PRAG1: variants seen among roughly 807,000 people sequenced by gnomAD.
PRAG1 encodes the protein inactive tyrosine-protein kinase PRAG1.
A neutral mutation model predicts 95.6 loss-of-function variants in PRAG1; 110 were observed. The ratio of observed to expected loss-of-function variants is 1.15; its 90% CI spans 0.99 to 1.35. PRAG1 has a LOEUF of 1.35. PRAG1 is among the 40% of genes most tolerant of loss of function. PRAG1 has a pLI of 0.00. For synonymous variants in PRAG1, 1,052 were observed against 819.4 expected (o/e 1.28, Z -4.85); for missense variants, 2,554 against 1,864.7 (o/e 1.37, Z -6.81).
rs376649715 is a variant in PRAG1, at chr8:8,378,060, G to C, written c.349C>G (p.Pro117Ala). The C allele has an allele frequency of 9.7e-5, 150 of 1,540,538 alleles. No individual in the cohort carries two copies. Among genetic ancestry groups the C allele is most frequent in the Non-Finnish European group, 1.3e-4 (146 of 1,144,914 alleles). The change falls in exon 3 of 6, where the codon CCT becomes GCT. Residue 117 changes from proline (P) to alanine (A), a missense_variant. Coordinates refer to ENST00000615670, the MANE Select transcript of PRAG1 (RefSeq NM_001080826.3). ...EVSQVIWRRA[P>A]GKLPLPKQED... ...TGCTTCGGGAGGGGGAGCTTGCCAG[G>C]GGCTCGTCTCCAGATGACCTACACA...
chr8:8,376,701 G>GTA lies in PRAG1; in HGVS notation c.1707_1708insTA (p.Leu570TyrfsTer71). The GTA allele has an allele frequency of 5.0e-6, 8 of 1,611,468 alleles. No individual in the cohort carries two copies. Among genetic ancestry groups the GTA allele is most frequent in the Non-Finnish European group, 6.8e-6 (8 of 1,179,960 alleles). On this transcript the variant is annotated frameshift_variant, in exon 3 of 6. Coordinates refer to ENST00000615670, the MANE Select transcript of PRAG1 (RefSeq NM_001080826.3). LOFTEE classifies it high-confidence loss of function. ...GAGCTCCCATCACTAAGGTCAGCCA[G>GTA]CGGTGACACTGGGGGCCCTCCAGCA...
intron 5 of PRAG1, among the ~76,000 whole-genome samples, chr8:8,324,520 G>C (rs889921189): frequency 6.6e-6 from 1 of 152,164 alleles, no homozygotes; most frequent in African/African-American, 2.4e-5. Context: ...ACTGGGTGGG[G>C]GAAGGGGCGG....
At chr8:8,375,454 C>A (rs1322271668) in intron 3 of PRAG1, among the ~76,000 whole-genome samples, 1 of 152,118 alleles carries the variant, frequency 6.6e-6, no homozygotes, top group African/African-American at 2.4e-5. Context: ...CCCGCCTCGG[C>A]CTCCCAAAGT....
chr8:8,350,909 TGG>T (rs1166799858), intron 3 of PRAG1, among the ~76,000 whole-genome samples: 8 of 143,784 alleles, frequency 5.6e-5, no homozygotes, highest in African/African-American at 2.4e-4. Flanking sequence ...GATGGATGGA[TGG>T]ATGGATGGAT....
At chr8:8,323,560 G>C (rs189183731) in intron 5 of PRAG1, among the ~76,000 whole-genome samples, 1 of 151,934 alleles carries the variant, frequency 6.6e-6, no homozygotes, top group Non-Finnish European at 1.5e-5. Context: ...TCCTGACCTC[G>C]TGATCTACCT....
chr8:8,383,859 TG>T (rs1170187235), intron 1 of PRAG1, among the ~76,000 whole-genome samples: 2 of 152,152 alleles, frequency 1.3e-5, no homozygotes, highest in East Asian at 3.9e-4. Flanking sequence ...CACAGAGAAC[TG>T]TAGCCTTGCT....
intron 3 of PRAG1, among the ~76,000 whole-genome samples, chr8:8,368,759 T>A (rs1333985377): frequency 1.3e-5 from 2 of 151,986 alleles, no homozygotes; most frequent in Non-Finnish European, 2.9e-5. Flanking sequence ...TATTTTCCAA[T>A]GCACCTGACA....
chr8:8,373,766 C>A lies in PRAG1; in HGVS notation c.2162+2481G>T, dbSNP rs114938164. 4.4e-3 allele frequency among the ~76,000 whole-genome samples: 669 copies of A among 152,130 alleles called. 5 individuals are homozygous for A. Among genetic ancestry groups the A allele is most frequent in the African/African-American group, 0.015 (632 of 41,498 alleles). ...CTAAGTCCGGCCCTTCTTTTTAATTCTTTTTTCTCCTCTAACTTGTTTATT... is the reference window on the plus strand; with the variant it reads ...CTAAGTCCGGCCCTTCTTTTTAATTATTTTTTCTCCTCTAACTTGTTTATT... On this transcript the variant is annotated intron_variant, in intron 3 of 5. Coordinates refer to ENST00000615670, the MANE Select transcript of PRAG1 (RefSeq NM_001080826.3).
chr8:8,354,539 A>C (rs1799627331), intron 3 of PRAG1, among the ~76,000 whole-genome samples: 1 of 152,216 alleles, frequency 6.6e-6, no homozygotes, highest in Non-Finnish European at 1.5e-5. Flanking sequence ...TCAATAAAGT[A>C]TTGCAGACTG....
At chr8:8,342,293 C>T (rs897741278) in intron 3 of PRAG1, among the ~76,000 whole-genome samples, 3 of 150,706 alleles carry the variant, frequency 2.0e-5, no homozygotes, top group Non-Finnish European at 4.4e-5. Flanking sequence ...CCCGGGTTCA[C>T]GCCATTCTCC....
intron 3 of PRAG1, among the ~76,000 whole-genome samples, chr8:8,367,646 GT>G (rs1190848329): frequency 6.6e-6 from 1 of 151,568 alleles, no homozygotes; most frequent in Non-Finnish European, 1.5e-5. Context: ...TGGTGGTTTT[GT>G]TTTTTGTTTT....
At chr8:8,346,923 C>T (rs1017539824) in intron 3 of PRAG1, among the ~76,000 whole-genome samples, 1 of 152,126 alleles carries the variant, frequency 6.6e-6, no homozygotes, top group Admixed American at 6.5e-5. Flanking sequence ...TCTCTAAATC[C>T]CAGCAGGCAT....
chr8:8,365,167 A>G (rs2116901500), intron 3 of PRAG1, among the ~76,000 whole-genome samples: 1 of 152,330 alleles, frequency 6.6e-6, no homozygotes, highest in East Asian at 1.9e-4. Flanking sequence ...GAAGATTCAG[A>G]AAAACTATAA....
intron 4 of PRAG1, among the ~76,000 whole-genome samples, chr8:8,336,451 A>C (rs1199816440): frequency 1.3e-5 from 2 of 152,184 alleles, no homozygotes; most frequent in Non-Finnish European, 2.9e-5. Flanking sequence ...ACCAAGCATA[A>C]ACCAAACAAC....
At position 8,376,591 on chromosome 8, in the gene PRAG1, G is replaced by T. The variant is rs1800405055; in HGVS notation, c.1818C>A (p.Ile606=). The T allele has an allele frequency of 4.4e-6, 7 of 1,605,384 alleles. No homozygotes were observed. Among genetic ancestry groups the T allele is most frequent in the Non-Finnish European group, 5.1e-6 (6 of 1,174,752 alleles). ...APSCRTNGVA[I]SDPSRCPQPA... ...GCTGGGGACACCTGGATGGGTCACT[G>T]ATAGCGACACCGTTGGTCCGGCAGG... Residue 606 remains isoleucine (I), a synonymous_variant, in exon 3 of 6, where the codon ATC becomes ATA. Transcript: ENST00000615670.
At chr8:8,382,760 A>G (rs1311178826) in intron 1 of PRAG1, among the ~76,000 whole-genome samples, 1 of 152,156 alleles carries the variant, frequency 6.6e-6, no homozygotes, top group Non-Finnish European at 1.5e-5. Flanking sequence ...GCAGCCATTA[A>G]CCAATTACCT....
chr8:8,355,289 C>T (rs1799647563), intron 3 of PRAG1, among the ~76,000 whole-genome samples: 1 of 151,998 alleles, frequency 6.6e-6, no homozygotes, highest in African/African-American at 2.4e-5. Flanking sequence ...CAAATATATA[C>T]CATGTTCATG....
chr8:8,371,689 G>C (rs891575597), intron 3 of PRAG1, among the ~76,000 whole-genome samples: 2 of 152,114 alleles, frequency 1.3e-5, no homozygotes, highest in South Asian at 2.1e-4. Context: ...GGGAAACATG[G>C]TGAAACTCCG....
chr8:8,357,354 A>G (rs1231699756), intron 3 of PRAG1, among the ~76,000 whole-genome samples: 4 of 152,216 alleles, frequency 2.6e-5, no homozygotes, highest in Admixed American at 6.5e-5. Context: ...CAAACAATCC[A>G]ATTAAAAACT....
Sources: gnomAD v4.1 joint callset for allele counts (sites outside exome capture counted in the v4.1 genomes callset) on GRCh38, gnomAD v4.1.1 for gene constraint, MANE v1.5 for transcripts, NCBI Gene and HGNC (gene_info 2026-07-23, HGNC 2026-07-21) for gene names.